The following FOXP1 variants were observed in gnomAD, a reference collection of about 807,000 sequenced individuals.
FOXP1 encodes forkhead box protein P1.
FOXP1 carries 15 observed loss-of-function variants against 98.2 expected under a neutral mutation model. The observed-to-expected ratio is 0.15, with a 90% CI of 0.10 to 0.24. FOXP1 has a LOEUF of 0.24. Ranked by LOEUF, FOXP1 falls within the 10% of genes least tolerant of loss-of-function variation. The probability of loss-of-function intolerance (pLI) is 1.00; values close to 1 mark genes in which losing one functional copy is unlikely to be tolerated. For missense variants in FOXP1, 633 were observed against 848.5 expected, an observed-to-expected ratio of 0.75 and a Z score of 3.15; for synonymous variants, 371 against 314.5, an observed-to-expected ratio of 1.18 and a Z score of -1.90.
chr3:70,965,240 G>A (rs1203191232), intron 20 of FOXP1, among the ~76,000 whole-genome samples: 2 of 152,206 alleles, frequency 1.3e-5, no homozygotes, highest in East Asian at 1.9e-4. Context: ...GGGCATCACA[G>A]TCTCCTGGCC....
At chr3:71,250,795 G>T (rs1217414556) in intron 5 of FOXP1, among the ~76,000 whole-genome samples, 1 of 152,134 alleles carries the variant, frequency 6.6e-6, no homozygotes, top group East Asian at 1.9e-4. Context: ...GCTAGGCATG[G>T]TGGCGCACGC....
chr3:71,128,308 TA>T (rs5849990), intron 6 of FOXP1, among the ~76,000 whole-genome samples: 64,039 of 147,220 alleles, frequency 0.43, 14,719 homozygotes, highest in East Asian at 0.67. Context: ...ACTTGAGAAC[TA>T]AAAAAAAAAA....
chr3:71,172,143 G>A (rs1274962288), intron 6 of FOXP1, among the ~76,000 whole-genome samples: 1 of 151,976 alleles, frequency 6.6e-6, no homozygotes, highest in Non-Finnish European at 1.5e-5. Flanking sequence ...CTGGAAGCTC[G>A]AGGGTAGTCC....
intron 13 of FOXP1, among the ~76,000 whole-genome samples, chr3:70,995,190 G>T (rs2041195406): frequency 6.6e-6 from 1 of 152,140 alleles, no homozygotes; most frequent in Non-Finnish European, 1.5e-5. Flanking sequence ...AAGTAATCTG[G>T]ATTCATATGA....
chr3:70,975,828 G>A (rs1023773791), intron 17 of FOXP1, among the ~76,000 whole-genome samples: 1 of 152,118 alleles, frequency 6.6e-6, no homozygotes, highest in East Asian at 1.9e-4. Flanking sequence ...AAAAATATGT[G>A]AGGGATCAAT....
intron 7 of FOXP1, among the ~76,000 whole-genome samples, chr3:71,076,101 T>A (rs1475031767): frequency 6.6e-6 from 1 of 152,086 alleles, no homozygotes; most frequent in East Asian, 1.9e-4. Context: ...GAGACCTAAT[T>A]TATGGAATCT....
intron 6 of FOXP1, among the ~76,000 whole-genome samples, chr3:71,163,944 C>A (rs2061274193): frequency 6.6e-6 from 1 of 152,114 alleles, no homozygotes; most frequent in Non-Finnish European, 1.5e-5. Context: ...AAAGGGCTTG[C>A]TCTCCTTCAC....
intron 2 of FOXP1, among the ~76,000 whole-genome samples, chr3:71,559,974 G>T (rs1382028844): frequency 6.6e-6 from 1 of 152,142 alleles, no homozygotes; most frequent in East Asian, 1.9e-4. Flanking sequence ...CATAAACCTA[G>T]ATCTGCTAGT....
chr3:71,012,947 T>C (rs1339414776), intron 12 of FOXP1, among the ~76,000 whole-genome samples: 1 of 152,208 alleles, frequency 6.6e-6, no homozygotes, highest in African/African-American at 2.4e-5. Flanking sequence ...TAATATCATG[T>C]AACATTATAT....
chr3:71,178,904 C>CA lies in FOXP1; in HGVS notation c.180+19297dup, dbSNP rs533841398. 1.3e-3 allele frequency among the ~76,000 whole-genome samples: 177 copies of CA among 135,430 alleles called. 2 individuals carry two copies. Among genetic ancestry groups the CA allele is most frequent in the South Asian group, 7.4e-3 (31 of 4,184 alleles). 88.8% of individuals were successfully genotyped at this position (135,430 alleles called of 152,430 possible). ...AACTCAAAAACAAAAAACAAACAAA[C>CA]AAAAAAAAAACAAAAATTATCTGGG... On this transcript the variant is annotated intron_variant, in intron 6 of 20. Coordinates refer to ENST00000649528, the MANE Select transcript of FOXP1 (RefSeq NM_001349338.3).
intron 4 of FOXP1, among the ~76,000 whole-genome samples, chr3:71,309,281 C>T (rs548526512): frequency 6.6e-6 from 1 of 152,226 alleles, no homozygotes; most frequent in East Asian, 1.9e-4. Flanking sequence ...TGGTCGAAAT[C>T]ACTGCGCTAA....
intron 20 of FOXP1, among the ~76,000 whole-genome samples, chr3:70,963,282 C>T (rs1318616097): frequency 2.0e-5 from 3 of 152,176 alleles, no homozygotes; most frequent in Non-Finnish European, 4.4e-5. Flanking sequence ...CCAGGTTAGA[C>T]AGTAAGGTTT....
intron 3 of FOXP1, among the ~76,000 whole-genome samples, chr3:71,405,903 T>A (rs1371704445): frequency 1.3e-5 from 2 of 151,978 alleles, no homozygotes; most frequent in Non-Finnish European, 2.9e-5. Context: ...TAATTTTTTA[T>A]ATTTTTAGTA....
rs931493078 is a variant in FOXP1, at chr3:70,959,250, C to T, written c.2031G>A (p.Glu677=). 6.2e-7 allele frequency: 1 copy of T among 1,613,622 alleles called. No homozygotes were observed. The highest frequency in any genetic ancestry group is 1.3e-5 in the African/African-American group (1 of 74,856). The change falls in exon 21 of 21, where the codon GAG becomes GAA. Residue 677 remains glutamate (E), a synonymous_variant. Transcript: ENST00000649528. ...YEDEPVNEDM[E] is the part of the protein sequence containing the mutation. ...CGGGGTTGGCCCGCCCCGATAGTCA[C>T]TCCATGTCCTCGTTTACTGGTTCAT...
intron 7 of FOXP1, among the ~76,000 whole-genome samples, chr3:71,065,355 G>A (rs1170155796): frequency 6.6e-6 from 1 of 152,142 alleles, no homozygotes; most frequent in Non-Finnish European, 1.5e-5. Flanking sequence ...GGCCGAAGAG[G>A]GGCACCCGGC....
At chr3:71,523,187 C>A (rs7649993) in intron 2 of FOXP1, among the ~76,000 whole-genome samples, 1 of 152,004 alleles carries the variant, frequency 6.6e-6, no homozygotes, top group African/African-American at 2.4e-5. Flanking sequence ...GAATGGCAAA[C>A]ATTGCCAGCC....
At chr3:71,481,554 C>A (rs1339429319) in intron 3 of FOXP1, among the ~76,000 whole-genome samples, 1 of 152,172 alleles carries the variant, frequency 6.6e-6, no homozygotes, top group Admixed American at 6.5e-5. Context: ...TTTTTTATTA[C>A]AAAGGACATT....
chr3:71,213,709 G>A lies in FOXP1; in HGVS notation c.-11-15317C>T, dbSNP rs533520571. On this transcript the variant is annotated intron_variant, in intron 5 of 20. Coordinates refer to ENST00000649528, the MANE Select transcript of FOXP1 (RefSeq NM_001349338.3). ...TGGGTGCCTGTAGTCCCAGCTACTC[G>A]GGAGGCGGAGGCAGGTGAATCGCTT... Among the ~76,000 whole-genome samples, 26 of 152,244 alleles carry A rather than the reference G, an allele frequency of 1.7e-4. No individual in the cohort carries two copies. The East Asian group carries it at 3.9e-3, about 23-fold the overall frequency.
At chr3:71,329,399 T>C (rs2076152635) in intron 4 of FOXP1, among the ~76,000 whole-genome samples, 1 of 151,808 alleles carries the variant, frequency 6.6e-6, no homozygotes, top group Non-Finnish European at 1.5e-5. Flanking sequence ...TTTTTTGTAT[T>C]TTTAGTAGAG....
Sources: allele counts gnomAD v4.1 joint callset (sites outside exome capture counted in the v4.1 genomes callset), GRCh38; gene constraint gnomAD v4.1.1; transcripts MANE v1.5; gene names NCBI Gene and HGNC (gene_info 2026-07-23, HGNC 2026-07-21).